The following HECW1 variants were observed in gnomAD, a reference collection of about 807,000 sequenced individuals.
HECW1 encodes the protein E3 ubiquitin-protein ligase HECW1.
A neutral mutation model predicts 182.3 loss-of-function variants in HECW1; 61 were observed. That is an observed-to-expected ratio of 0.33 (90% CI 0.27 to 0.41). The LOEUF is 0.41. Ranked by LOEUF, HECW1 falls within the 10% of genes least tolerant of loss-of-function variation. The probability of loss-of-function intolerance (pLI) is 1.00; values close to 1 mark genes in which losing one functional copy is unlikely to be tolerated. For synonymous variants in HECW1, 859 were observed against 832.6 expected, an observed-to-expected ratio of 1.03 and a Z score of -0.55; for missense variants, 1,739 against 2,108.9, an observed-to-expected ratio of 0.82 and a Z score of 3.44.
chr7:43,308,048 A>C (rs1321243986), intron 3 of HECW1, among the ~76,000 whole-genome samples: 4 of 114,080 alleles, frequency 3.5e-5, no homozygotes, highest in Non-Finnish European at 6.6e-5. Context: ...ATTGTATTAT[A>C]TATAATACAA....
In HECW1 at chr7:43,158,717, C is replaced by T. The variant is rs563511367; in HGVS notation, c.-32+44326C>T. On this transcript the variant is annotated intron_variant, in intron 2 of 29. Coordinates refer to ENST00000395891, the MANE Select transcript of HECW1 (RefSeq NM_015052.5). Reference sequence around the variant, plus strand: ...GCCTGCTCCATCAGGCAGTCATTCCCACCCAGCTACCTCTCCCTGGGTTCC... The same window carrying T: ...GCCTGCTCCATCAGGCAGTCATTCCTACCCAGCTACCTCTCCCTGGGTTCC... Among the ~76,000 whole-genome samples the T allele has an allele frequency of 8.6e-4, 131 of 152,302 alleles. No individual in the cohort carries two copies. In the Middle Eastern group the frequency reaches 0.014, roughly 16 times the overall value.
intron 2 of HECW1, among the ~76,000 whole-genome samples, chr7:43,215,456 C>T (rs1020086211): frequency 6.6e-6 from 1 of 152,356 alleles, no homozygotes. Flanking sequence ...CCTTTTGTGG[C>T]ATTCTCATTG....
chr7:43,148,301 G>T (rs1788937065), intron 2 of HECW1, among the ~76,000 whole-genome samples: 1 of 152,154 alleles, frequency 6.6e-6, no homozygotes, highest in South Asian at 2.1e-4. Flanking sequence ...GTCTTTGGAT[G>T]TGAGTCACCA....
chr7:43,298,664 T>C (rs898170084), intron 3 of HECW1, among the ~76,000 whole-genome samples: 5 of 152,224 alleles, frequency 3.3e-5, no homozygotes, highest in African/African-American at 1.2e-4. Context: ...ATGTTTCCTC[T>C]TGGAAAAACC....
At chr7:43,161,662 T>G (rs1270614532) in intron 2 of HECW1, 2 of 152,226 alleles carry the variant, frequency 1.3e-5, no homozygotes, top group African/African-American at 4.8e-5. Flanking sequence ...GTATTCAAGC[T>G]AAGGTTGGAG....
intron 17 of HECW1, among the ~76,000 whole-genome samples, chr7:43,488,367 GA>G (rs1563044839): frequency 6.2e-5 from 8 of 129,070 alleles, no homozygotes; most frequent in Admixed American, 1.6e-4. Context: ...AGGAAGGAAG[GA>G]AGGAAGGAAG....
intron 16 of HECW1, among the ~76,000 whole-genome samples, chr7:43,478,124 C>T (rs1366512429): frequency 1.3e-5 from 2 of 152,086 alleles, no homozygotes; most frequent in African/African-American, 4.8e-5. Context: ...GATTTATATT[C>T]GAGAGTGTTC....
intron 3 of HECW1, among the ~76,000 whole-genome samples, chr7:43,289,026 C>A (rs1370402479): frequency 6.6e-6 from 1 of 152,198 alleles, no homozygotes; most frequent in Non-Finnish European, 1.5e-5. Context: ...TGGCCTACAA[C>A]AGTGCCTGGC....
chr7:43,312,327 AACACAAATG>A (rs1293831133), intron 4 of HECW1, among the ~76,000 whole-genome samples: 7 of 152,378 alleles, frequency 4.6e-5, no homozygotes, highest in African/African-American at 1.7e-4. Context: ...GGTGTGGTTA[AACACAAATG>A]TCATTATCAT....
chr7:43,342,660 T>C (rs1189632378), intron 5 of HECW1, among the ~76,000 whole-genome samples: 1 of 151,608 alleles, frequency 6.6e-6, no homozygotes, highest in African/African-American at 2.4e-5. Context: ...TTCTTGGGGT[T>C]TGAGGATATA....
intron 8 of HECW1, among the ~76,000 whole-genome samples, chr7:43,418,868 C>T (rs988982092): frequency 1.3e-5 from 2 of 152,110 alleles, no homozygotes; most frequent in African/African-American, 4.8e-5. Context: ...ATGTCTCGAG[C>T]ATTGTTAATG....
In HECW1 at chr7:43,425,304, T is replaced by TAGATA. The variant is rs1554408923; in HGVS notation, c.802-12699_802-12698insAGATA. Among the ~76,000 whole-genome samples, 489 of 148,350 alleles carry TAGATA rather than the reference T, an allele frequency of 3.3e-3. 2 individuals are homozygous for TAGATA. The highest frequency in any genetic ancestry group is 0.011 in the African/African-American group (422 of 40,034). On this transcript the variant is annotated intron_variant, in intron 8 of 29. Transcript: ENST00000395891. ...ATAGCTAGGTAGATAGATAGATAGA[T>TAGATA]GATAGATAGATAGATAGATAGATAG...
At chr7:43,260,945 C>G (rs1275428109) in intron 3 of HECW1, among the ~76,000 whole-genome samples, 1 of 152,138 alleles carries the variant, frequency 6.6e-6, no homozygotes, top group African/African-American at 2.4e-5. Context: ...AAACATTAAC[C>G]TCTTTTACAA....
chr7:43,485,902 A>C (rs913583705), intron 17 of HECW1, among the ~76,000 whole-genome samples: 1 of 152,172 alleles, frequency 6.6e-6, no homozygotes, highest in Non-Finnish European at 1.5e-5. Context: ...GTACATGTTT[A>C]CAATGCGCAG....
intron 3 of HECW1, among the ~76,000 whole-genome samples, chr7:43,277,820 G>A (rs1803354271): frequency 6.6e-6 from 1 of 152,100 alleles, no homozygotes; most frequent in Non-Finnish European, 1.5e-5. Flanking sequence ...AATTCCCCTG[G>A]CCCATTTTCA....
chr7:43,217,015 C>G (rs1392296111), intron 2 of HECW1, among the ~76,000 whole-genome samples: 3 of 152,128 alleles, frequency 2.0e-5, no homozygotes, highest in African/African-American at 7.2e-5. Context: ...TTCTGTGGCT[C>G]ACAGTCTGAT....
intron 8 of HECW1, among the ~76,000 whole-genome samples, chr7:43,431,010 G>C (rs1319168148): frequency 4.0e-5 from 6 of 151,742 alleles, no homozygotes; most frequent in African/African-American, 1.4e-4. Flanking sequence ...TCCAACTTCT[G>C]AGCATTCCTC....
intron 2 of HECW1, among the ~76,000 whole-genome samples, chr7:43,167,472 C>T (rs1791247777): frequency 6.6e-6 from 1 of 152,102 alleles, no homozygotes; most frequent in African/African-American, 2.4e-5. Flanking sequence ...TTAAGGGATC[C>T]ACTATTCAAC....
chr7:43,336,329 C>A (rs1282540196), intron 5 of HECW1, among the ~76,000 whole-genome samples: 1 of 151,730 alleles, frequency 6.6e-6, no homozygotes, highest in Non-Finnish European at 1.5e-5. Context: ...CCATGCCCAG[C>A]TACTTAAAAA....
Sources: allele counts gnomAD v4.1 joint callset (sites outside exome capture counted in the v4.1 genomes callset), GRCh38; gene constraint gnomAD v4.1.1; transcripts MANE v1.5; gene names NCBI Gene and HGNC (gene_info 2026-07-23, HGNC 2026-07-21).